The following CPXM1 variants were observed in gnomAD, a reference collection of about 807,000 sequenced individuals.
CPXM1 encodes the protein probable carboxypeptidase X1.
Under a neutral mutation model 80.4 loss-of-function variants are expected in CPXM1, and 72 were observed. The ratio of observed to expected loss-of-function variants is 0.90; its 90% CI spans 0.74 to 1.09. The LOEUF (loss-of-function observed/expected upper bound fraction) is 1.09, where lower values mean the gene tolerates loss of function less well. Ranked by LOEUF, CPXM1 falls within the 50% of genes least tolerant of loss-of-function variation. The pLI is 0.00. For synonymous variants in CPXM1, 403 were observed against 405.6 expected, an observed-to-expected ratio of 0.99 and a Z score of 0.08; for missense variants, 892 against 999.4, an observed-to-expected ratio of 0.89 and a Z score of 1.45.
chr20:2,800,586 T>C lies in CPXM1; in HGVS notation c.-14A>G, dbSNP rs908850008. 4.5e-6 allele frequency: 6 copies of C among 1,326,904 alleles called. No individual in the cohort carries two copies. The highest frequency in any genetic ancestry group is 3.1e-5 in the African/African-American group (2 of 64,700). 82.2% of individuals were successfully genotyped at this position (1,326,904 alleles called of 1,614,324 possible). ...GAGCCCCCACATGGCGGGGATTGAGTGCCAGGGGCGCGCGGGCTACGGCGG... is the reference window on the plus strand; with the variant it reads ...GAGCCCCCACATGGCGGGGATTGAGCGCCAGGGGCGCGCGGGCTACGGCGG... On this transcript the variant is annotated 5_prime_UTR_variant, in exon 1 of 14. Coordinates refer to ENST00000380605, the MANE Select transcript of CPXM1 (RefSeq NM_019609.5).
rs2088508509 is a variant in CPXM1, at chr20:2,796,346, GA to G, written c.1142del (p.Phe381SerfsTer8). ...LLLMQFLCHE[F>X]LRGNPRVTRL... ...GGGTCACCCGTGGGTTCCCTCGCAG[GA>G]ACTCATGGCACAGGAACTGCATCAG... On this transcript the variant is annotated frameshift_variant, in exon 9 of 14. Transcript: ENST00000380605. LOFTEE classifies it high-confidence loss of function. The surrounding 1 kb of genome is among the most constrained non-coding windows in gnomAD (Gnocchi z 6.8). The G allele has an allele frequency of 1.2e-6, 2 of 1,614,064 alleles. No individual in the cohort carries two copies. The highest frequency in any genetic ancestry group is 1.7e-6 in the Non-Finnish European group (2 of 1,180,010).
chr20:2,800,382 C>T lies in CPXM1; in HGVS notation c.172+19G>A. The T allele has an allele frequency of 6.7e-7, 1 of 1,501,834 alleles. No individual in the cohort carries two copies. Among genetic ancestry groups the T allele is most frequent in the Non-Finnish European group, 8.8e-7 (1 of 1,134,138 alleles). The allele number at this position is 1,501,834 out of a possible 1,614,324, so 93.0% of individuals were successfully genotyped here. On this transcript the variant is annotated intron_variant, in intron 1 of 13. Coordinates refer to ENST00000380605, the MANE Select transcript of CPXM1 (RefSeq NM_019609.5). ...GCAGTCGGCTTGCGGGGGAGCGGACCGTCGGTCGGGGAACTCACCGTTAGC... is the reference window on the plus strand; with the variant it reads ...GCAGTCGGCTTGCGGGGGAGCGGACTGTCGGTCGGGGAACTCACCGTTAGC...
chr20:2,795,715 A>G lies in CPXM1; in HGVS notation c.1604T>C (p.Val535Ala), dbSNP rs2088498463. The change falls in exon 11 of 14, where the codon GTC becomes GCC. Residue 535 changes from valine (V) to alanine (A), a missense_variant. Physicochemically the swap from Val to Ala is moderately conservative, Grantham distance 64. Around this residue, in one of 2 missense-constraint regions of CPXM1, gnomAD observed 874 missense variants for 958.4 expected, o/e 0.91. Coordinates refer to ENST00000380605, the MANE Select transcript of CPXM1 (RefSeq NM_019609.5). The surrounding 1 kb of genome is among the most constrained non-coding windows in gnomAD (Gnocchi z 5.4). ...CATGGCCAGATTACTGCCAGCATAGACAGTGCTGAGCCAGCGAAACACAGC... is the reference window on the plus strand; with the variant it reads ...CATGGCCAGATTACTGCCAGCATAGGCAGTGCTGAGCCAGCGAAACACAGC... ...DDAVFRWLST[V>A]YAGSNLAMQD... The G allele has an allele frequency of 1.9e-6, 3 of 1,613,948 alleles. No homozygotes were observed. Among genetic ancestry groups the G allele is most frequent in the Non-Finnish European group, 2.5e-6 (3 of 1,180,026 alleles).
chr20:2,794,702 C>T lies in CPXM1; in HGVS notation c.1861-63G>A. 7.3e-7 allele frequency: 1 copy of T among 1,360,844 alleles called. No homozygotes were observed. Among genetic ancestry groups the T allele is most frequent in the Non-Finnish European group, 1.0e-6 (1 of 963,974 alleles). The allele number at this position is 1,360,844 out of a possible 1,614,324, so 84.3% of individuals were successfully genotyped here. A position where few individuals can be genotyped will look rare whatever the true frequency, so the allele number is the denominator to read the frequency against. On this transcript the variant is annotated intron_variant, in intron 12 of 13. Transcript: ENST00000380605. The surrounding 1 kb of genome is among the most constrained non-coding windows in gnomAD (Gnocchi z 5.2). ...GCAGGATAATGTGCTGTTTAGCTAA[C>T]TTGCTGGCTCTGTTGCCCTGCAAAC...
At position 2,795,190 on chromosome 20, in the gene CPXM1, C is replaced by G; in HGVS notation, c.1860+87G>C. On this transcript the variant is annotated intron_variant, in intron 12 of 13. Coordinates refer to ENST00000380605, the MANE Select transcript of CPXM1 (RefSeq NM_019609.5). The surrounding 1 kb of genome is among the most constrained non-coding windows in gnomAD (Gnocchi z 5.4). ...TTGTGAGTCTGAATGCTCAGCTGGA[C>G]CTTAGAAGAACCCCTGGTAGGAGCT... 1 of 1,491,098 alleles carries G rather than the reference C, an allele frequency of 6.7e-7. No homozygotes were observed. The highest frequency in any genetic ancestry group is 1.8e-5 in the Admixed American group (1 of 54,526). The allele number at this position is 1,491,098 out of a possible 1,614,324, so 92.4% of individuals were successfully genotyped here.
rs749834033 is a variant in CPXM1, at chr20:2,798,904, G to A, written c.173-11C>T. The A allele has an allele frequency of 6.2e-6, 10 of 1,611,690 alleles. No homozygotes were observed. The highest frequency in any genetic ancestry group is 4.0e-5 in the African/African-American group (3 of 74,838). ...GCTGTTCTGAGGTCCCTTGGGGTCC[G>A]AGAGGCACAGCATGGGGGAAAGGAA... On this transcript the variant is annotated splice_polypyrimidine_tract_variant and intron_variant, in intron 1 of 13. Coordinates refer to ENST00000380605, the MANE Select transcript of CPXM1 (RefSeq NM_019609.5).
rs1267488603 is a variant in CPXM1 at position 2,794,164 on chromosome 20, GCCC to G, written c.*23_*25del. ...CTTCCCGTCTTGACAGGTCCAGCCT[GCCC>G]TAGGGCTCTTAAACCGCAGGTATCA... On this transcript the variant is annotated 3_prime_UTR_variant, in exon 14 of 14. Coordinates refer to ENST00000380605, the MANE Select transcript of CPXM1 (RefSeq NM_019609.5). This position sits in a 1 kb window ranked among gnomAD's most constrained non-coding sequence, Gnocchi z 5.2. 6.3e-7 allele frequency: 1 copy of G among 1,591,238 alleles called. No homozygotes were observed. Among genetic ancestry groups the G allele is most frequent in the African/African-American group, 1.3e-5 (1 of 74,508 alleles).
chr20:2,796,218 C>G lies in CPXM1; in HGVS notation c.1242+29G>C. The G allele has an allele frequency of 6.2e-7, 1 of 1,610,742 alleles. No homozygotes were observed. Among genetic ancestry groups the G allele is most frequent in the South Asian group, 1.1e-5 (1 of 90,682 alleles). ...AGGTCCAGCCACCAGGGCAGAAGGA[C>G]AGAGTGGCCCTCATGCTGGGTGGCC... On this transcript the variant is annotated intron_variant, in intron 9 of 13. Coordinates refer to ENST00000380605, the MANE Select transcript of CPXM1 (RefSeq NM_019609.5). The surrounding 1 kb of genome is among the most constrained non-coding windows in gnomAD (Gnocchi z 6.8).
rs1209472060 is a variant in CPXM1 at position 2,797,329 on chromosome 20, T to C, written c.695A>G (p.Asn232Ser). ...SSGMDAVFPA[N>S]SDPETPVLNL... is the part of the protein sequence containing the mutation. ...CAGCACTGGAGTTTCTGGGTCTGAA[T>C]TGGCAGGAAATACCTGGGGGCAGCA... The change falls in exon 6 of 14, where the codon AAT becomes AGT. Residue 232 changes from asparagine to serine, a missense_variant. Physicochemically the swap from Asn to Ser is conservative, Grantham distance 46 (BLOSUM62 1). Around this residue, in one of 2 missense-constraint regions of CPXM1, gnomAD observed 874 missense variants for 958.4 expected, o/e 0.91. Coordinates refer to ENST00000380605, the MANE Select transcript of CPXM1 (RefSeq NM_019609.5). 4.0e-6 allele frequency: 6 copies of C among 1,510,616 alleles called. No individual in the cohort carries two copies. The African/African-American group carries it at 5.5e-5, about 14-fold the overall frequency. The allele number at this position is 1,510,616 out of a possible 1,614,324, so 93.6% of individuals were successfully genotyped here.
chr20:2,800,322 T>G (rs2088557006), intron 1 of CPXM1, 79 bp downstream of exon 1: 2 of 1,293,068 alleles, frequency 1.5e-6, no homozygotes, highest in African/African-American at 3.1e-5. Context: ...GCCCGCGTGT[T>G]AGGGAGGGAT....
In CPXM1 at chr20:2,794,118, C is replaced by T. The variant is rs1568599978; in HGVS notation, c.*72G>A. On this transcript the variant is annotated 3_prime_UTR_variant, in exon 14 of 14. Coordinates refer to ENST00000380605, the MANE Select transcript of CPXM1 (RefSeq NM_019609.5). The surrounding 1 kb of genome is among the most constrained non-coding windows in gnomAD (Gnocchi z 5.2). ...AATGAGCACCTTTTCCTCACTTTGTCCCTCCCTCTCTACTCTTCCCCTTCC... is the reference window on the plus strand; with the variant it reads ...AATGAGCACCTTTTCCTCACTTTGTTCCTCCCTCTCTACTCTTCCCCTTCC... The T allele has an allele frequency of 6.6e-7, 1 of 1,518,764 alleles. No homozygotes were observed. Among genetic ancestry groups the T allele is most frequent in the Non-Finnish European group, 8.8e-7 (1 of 1,133,474 alleles). 94.1% of individuals were successfully genotyped at this position (1,518,764 alleles called of 1,614,324 possible). A position where few individuals can be genotyped will look rare whatever the true frequency, so the allele number is the denominator to read the frequency against.
At position 2,797,063 on chromosome 20, in the gene CPXM1, C is replaced by T. The variant is rs200841971; in HGVS notation, c.864G>A (p.Ala288=). The change falls in exon 7 of 14, where the codon GCG becomes GCA. Residue 288 remains alanine (A), a synonymous_variant. Transcript: ENST00000380605. ...AGTCTAGAGGGTCAGAGGATCCCGA[C>T]GCAGGGGCCTCAAGGAATAGGTCAT... is the stretch of plus-strand genomic sequence containing the variant. ...DPNDLFLEAP[A]SGSSDPLDFQ... 1.4e-5 allele frequency: 22 copies of T among 1,613,928 alleles called. No individual in the cohort carries two copies. The highest frequency in any genetic ancestry group is 2.7e-5 in the African/African-American group (2 of 74,868).
At chr20:2,798,573 G>T (rs1369600910) in intron 2 of CPXM1, 36 bp from the exon 3 acceptor site, 3 of 1,589,978 alleles carry the variant, frequency 1.9e-6, no homozygotes, top group Admixed American at 3.4e-5. Flanking sequence ...CAGGACCAGA[G>T]GGAGGGTAGC....
chr20:2,795,655 T>A lies in CPXM1; in HGVS notation c.1664A>T (p.Asp555Val), dbSNP rs1307028500. 7 of 1,613,996 alleles carry A rather than the reference T, an allele frequency of 4.3e-6. No individual in the cohort carries two copies. Among genetic ancestry groups the A allele is most frequent in the Non-Finnish European group, 5.9e-6 (7 of 1,180,026 alleles). ...GATGATGTTGCCGTGCACGGAGAAG[T>A]CCTGGCTGTGGCAGGGTCGGCGGCT... ...DTSRRPCHSQ[D>V]FSVHGNIING... Residue 555 changes from aspartate to valine, a missense_variant, in exon 11 of 14, where the codon GAC becomes GTC. Coordinates refer to ENST00000380605, the MANE Select transcript of CPXM1 (RefSeq NM_019609.5). This position sits in a 1 kb window ranked among gnomAD's most constrained non-coding sequence, Gnocchi z 5.4.
At chr20:2,798,649 C>T (rs1052874243) in intron 2 of CPXM1, 77 bp downstream of exon 2, 11 of 1,554,726 alleles carry the variant, frequency 7.1e-6, no homozygotes, top group Admixed American at 1.8e-5. Flanking sequence ...CGTGCCGGTG[C>T]CCATGAGGCC....
In CPXM1 at chr20:2,795,537, C is replaced by A; in HGVS notation, c.1720+62G>T. On this transcript the variant is annotated intron_variant, in intron 11 of 13. Transcript: ENST00000380605. The surrounding 1 kb of genome is among the most constrained non-coding windows in gnomAD (Gnocchi z 5.4). ...CAGACGCCAGCACTGTACGCAACCG[C>A]AGGCTGTCTTATCAGGGCGGGGGTT... is the stretch of plus-strand genomic sequence containing the variant. 1 of 1,590,934 alleles carries A rather than the reference C, an allele frequency of 6.3e-7. No homozygotes were observed. The highest frequency in any genetic ancestry group is 8.6e-7 in the Non-Finnish European group (1 of 1,165,560).
rs1181274951 is a variant in CPXM1 at position 2,795,091 on chromosome 20, C to T, written c.1860+186G>A. On this transcript the variant is annotated intron_variant, in intron 12 of 13. Coordinates refer to ENST00000380605, the MANE Select transcript of CPXM1 (RefSeq NM_019609.5). This position sits in a 1 kb window ranked among gnomAD's most constrained non-coding sequence, Gnocchi z 5.4. ...TCCCACCGGCTCTAACACGATGCCA[C>T]GCTGCCAGCAAACTGCACTTCCTGT... 3.3e-5 allele frequency among the ~76,000 whole-genome samples: 5 copies of T among 152,162 alleles called. No homozygotes were observed. Among genetic ancestry groups the T allele is most frequent in the Non-Finnish European group, 5.9e-5 (4 of 68,034 alleles).
chr20:2,795,845 C>T lies in CPXM1; in HGVS notation c.1474G>A (p.Val492Met). 3 of 1,612,184 alleles carry T rather than the reference C, an allele frequency of 1.9e-6. No homozygotes were observed. Among genetic ancestry groups the T allele is most frequent in the Non-Finnish European group, 2.5e-6 (3 of 1,179,944 alleles). ...VIKWMKRIPFVLSANLHGGEL... is the reference protein window; with the variant it reads ...VIKWMKRIPFMLSANLHGGEL... ...CCCCCGTGGAGGTTGGCACTTAGCA[C>T]AAAGGGGATCCGCTTCATCCACTTG... Residue 492 changes from valine to methionine, a missense_variant, in exon 11 of 14, where the codon GTG becomes ATG. Physicochemically the swap from Val to Met is conservative, Grantham distance 21 (BLOSUM62 1). Around this residue, in one of 2 missense-constraint regions of CPXM1, gnomAD observed 874 missense variants for 958.4 expected, o/e 0.91. Coordinates refer to ENST00000380605, the MANE Select transcript of CPXM1 (RefSeq NM_019609.5). This position sits in a 1 kb window ranked among gnomAD's most constrained non-coding sequence, Gnocchi z 5.4.
Position 2,796,379 on chromosome 20 carries a change from A to G in CPXM1, c.1110T>C (p.Leu370=), listed in dbSNP as rs1268322731. The change falls in exon 9 of 14, where the codon CTT becomes CTC. Residue 370 remains leucine, a synonymous_variant. Transcript: ENST00000380605. This position sits in a 1 kb window ranked among gnomAD's most constrained non-coding sequence, Gnocchi z 6.8. ...GGCACAGGAACTGCATCAGGAGCAG[A>G]AGCAACTCCCGCCCCAGGGCCTCGT... ...HGNEALGREL[L]LLLMQFLCHE... is the part of the protein sequence containing the mutation. 1 of 1,614,112 alleles carries G rather than the reference A, an allele frequency of 6.2e-7. No individual in the cohort carries two copies. Among genetic ancestry groups the G allele is most frequent in the Non-Finnish European group, 8.5e-7 (1 of 1,179,992 alleles).
Sources: gnomAD v4.1 joint callset for allele counts (sites outside exome capture counted in the v4.1 genomes callset) on GRCh38, gnomAD v4.1.1 for gene constraint, gnomAD v4.1.1 regional missense constraint, Gnocchi (gnomAD v3.1) non-coding constraint, MANE v1.5 for transcripts, NCBI Gene and HGNC (gene_info 2026-07-23, HGNC 2026-07-21) for gene names.